Variants in PSD3 observed in about 807,000 individuals in gnomAD.
PSD3 encodes the protein pleckstrin and Sec7 domain containing 3.
In PSD3, 49 loss-of-function variants were observed where a neutral mutation model predicts 105.5. The observed-to-expected ratio is 0.46, with a 90% confidence interval of 0.37 to 0.59. The LOEUF (loss-of-function observed/expected upper bound fraction) is 0.59. Among genes scored for constraint, PSD3 ranks in the 20% least tolerant of loss-of-function variants. PSD3 has a pLI of 0.00. For synonymous variants in PSD3, 557 were observed against 457.8 expected (o/e 1.22, Z -2.77); for missense variants, 1,561 against 1,263.8 (o/e 1.24, Z -3.57).
At chr8:19,027,901 C>G (rs1251727999) in intron 1 of PSD3, among the ~76,000 whole-genome samples, 1 of 152,142 alleles carries the variant, frequency 6.6e-6, no homozygotes, top group African/African-American at 2.4e-5. Flanking sequence ...CTATGAACAT[C>G]TATGTTTAAT....
intron 9 of PSD3, among the ~76,000 whole-genome samples, chr8:18,731,800 T>G (rs1803770591): frequency 6.6e-6 from 1 of 152,156 alleles, no homozygotes; most frequent in Non-Finnish European, 1.5e-5. Context: ...CACTTGCCAT[T>G]TGAACAGAAA....
intron 14 of PSD3, among the ~76,000 whole-genome samples, chr8:18,563,647 C>T (rs1801541342): frequency 6.6e-6 from 1 of 152,076 alleles, no homozygotes. Context: ...AAATAGCTTC[C>T]ACATGATTTA....
chr8:18,905,250 C>T (rs1206425469), intron 2 of PSD3, among the ~76,000 whole-genome samples: 1 of 152,120 alleles, frequency 6.6e-6, no homozygotes, highest in South Asian at 2.1e-4. Flanking sequence ...CTAATTTTGT[C>T]CTACTCATCT....
At chr8:18,615,655 G>C (rs1805603161) in intron 11 of PSD3, among the ~76,000 whole-genome samples, 1 of 152,170 alleles carries the variant, frequency 6.6e-6, no homozygotes, top group Non-Finnish European at 1.5e-5. Context: ...ATCTAGAGCA[G>C]TTTCTAGACC....
intron 11 of PSD3, among the ~76,000 whole-genome samples, chr8:18,624,882 T>C (rs567898683): frequency 1.3e-5 from 2 of 152,140 alleles, no homozygotes; most frequent in East Asian, 3.9e-4. Flanking sequence ...ACTGTTTTTG[T>C]AAATATGTAT....
chr8:18,829,517 T>C (rs774865428), intron 4 of PSD3, among the ~76,000 whole-genome samples: 10 of 152,206 alleles, frequency 6.6e-5, no homozygotes, highest in Non-Finnish European at 1.2e-4. Flanking sequence ...TTTGCTGCGT[T>C]TGGCTGACCA....
Position 19,000,712 on chromosome 8 carries a change from T to G in PSD3, c.21+12851A>C, listed in dbSNP as rs556431755. ...GGAGATGAAGCCACTGTGAAGCCAA[T>G]AGCAAAAAAGTGATCAGGCCAGAAA... On this transcript the variant is annotated intron_variant, in intron 1 of 15. Coordinates refer to ENST00000327040, the MANE Select transcript of PSD3 (RefSeq NM_015310.4). 3 of 151,918 alleles carry G rather than the reference T, an allele frequency of 2.0e-5. No homozygotes were observed. The South Asian group carries it at 6.3e-4, about 32-fold the overall frequency. The allele number at this position is 151,918 out of a possible 1,614,324, so 9.4% of individuals were successfully genotyped here. A position where few individuals can be genotyped will look rare whatever the true frequency, so the allele number is the denominator to read the frequency against.
intron 9 of PSD3, among the ~76,000 whole-genome samples, chr8:18,697,158 G>A (rs531694633): frequency 7.9e-5 from 12 of 152,220 alleles, no homozygotes; most frequent in African/African-American, 2.4e-4. Flanking sequence ...TTTTCTGCAC[G>A]AGTCTTTGAA....
rs1431489993 is a variant in PSD3, at chr8:18,744,941, T to C, written c.2172+20508A>G. Among the ~76,000 whole-genome samples, 5 of 152,318 alleles carry C rather than the reference T, an allele frequency of 3.3e-5. No homozygotes were observed. In the South Asian group the frequency reaches 6.2e-4, roughly 19 times the overall value. On this transcript the variant is annotated intron_variant, in intron 9 of 15. Coordinates refer to ENST00000327040, the MANE Select transcript of PSD3 (RefSeq NM_015310.4). Reference sequence around the variant, plus strand: ...TCAAAAGAAGATGGGCCAGTTATTATATAGAATATCTTGCAATTTGGGTTT... The same window carrying C: ...TCAAAAGAAGATGGGCCAGTTATTACATAGAATATCTTGCAATTTGGGTTT...
At chr8:18,929,086 G>A (rs1185734332) in intron 2 of PSD3, among the ~76,000 whole-genome samples, 4 of 152,156 alleles carry the variant, frequency 2.6e-5, no homozygotes, top group African/African-American at 9.7e-5. Flanking sequence ...ACATTAAATG[G>A]ATGAATTGTA....
At chr8:19,024,881 C>T (rs1035206127) in intron 1 of PSD3, among the ~76,000 whole-genome samples, 3 of 152,054 alleles carry the variant, frequency 2.0e-5, no homozygotes, top group African/African-American at 7.2e-5. Context: ...TGGCTGTTCC[C>T]GAGTTGTAGC....
intron 6 of PSD3, among the ~76,000 whole-genome samples, chr8:18,803,636 A>T (rs1156412252): frequency 6.6e-6 from 1 of 152,174 alleles, no homozygotes. Flanking sequence ...GATATATGCT[A>T]CAAGAATGAA....
intron 1 of PSD3, among the ~76,000 whole-genome samples, chr8:18,937,969 G>A (rs1447135435): frequency 6.6e-6 from 1 of 152,164 alleles, no homozygotes; most frequent in Non-Finnish European, 1.5e-5. Flanking sequence ...AGATAACTAA[G>A]AGAAAGCCAA....
intron 2 of PSD3, among the ~76,000 whole-genome samples, chr8:18,879,051 A>ACACACAC (rs1817919933): frequency 1.4e-5 from 2 of 138,576 alleles, no homozygotes; most frequent in South Asian, 2.4e-4. Flanking sequence ...CACACACACA[A>ACACACAC]ACACACACAC....
chr8:18,556,074 G>T, intron 15 of PSD3, 135 bp downstream of exon 15: 1 of 1,028,262 alleles, frequency 9.7e-7, no homozygotes, highest in Non-Finnish European at 1.4e-6. Flanking sequence ...CCATGACCTT[G>T]CCAGGAGCTC....
chr8:19,045,162 G>A (rs1284053587), intron 1 of PSD3, among the ~76,000 whole-genome samples: 2 of 152,090 alleles, frequency 1.3e-5, no homozygotes, highest in Non-Finnish European at 2.9e-5. Context: ...TTCAGCCAGG[G>A]TGACGGAGCA....
intron 1 of PSD3, among the ~76,000 whole-genome samples, chr8:19,040,521 A>G (rs926046839): frequency 6.6e-6 from 1 of 152,118 alleles, no homozygotes; most frequent in Non-Finnish European, 1.5e-5. Context: ...TTAGATTTTA[A>G]CTGTGATGAG....
At chr8:18,803,777 A>G (rs1193382066) in intron 6 of PSD3, among the ~76,000 whole-genome samples, 1 of 150,590 alleles carries the variant, frequency 6.6e-6, no homozygotes, top group Admixed American at 6.6e-5. Context: ...GGGGGAAAGG[A>G]GGGGAAGGAA....
chr8:18,578,280 T>C (rs1802582627), intron 12 of PSD3, among the ~76,000 whole-genome samples: 1 of 152,106 alleles, frequency 6.6e-6, no homozygotes, highest in Admixed American at 6.6e-5. Context: ...TATGTAACCA[T>C]TCACTTGGGT....
Sources: allele counts gnomAD v4.1 joint callset (sites outside exome capture counted in the v4.1 genomes callset), GRCh38; gene constraint gnomAD v4.1.1; transcripts MANE v1.5; gene names NCBI Gene and HGNC (gene_info 2026-07-23, HGNC 2026-07-21).